The following PIEZO1 variants were observed in gnomAD, a reference collection of about 807,000 sequenced individuals.
The protein encoded by PIEZO1 is piezo-type mechanosensitive ion channel component 1.
A neutral mutation model predicts 297.2 loss-of-function variants in PIEZO1; 296 were observed. That is an observed-to-expected ratio of 1.00 (90% CI 0.91 to 1.10). The LOEUF (loss-of-function observed/expected upper bound fraction) is 1.10, where lower values mean the gene tolerates loss of function less well. Among genes scored for constraint, PIEZO1 ranks in the 50% least tolerant of loss-of-function variants. PIEZO1 has a pLI of 0.00. For missense variants in PIEZO1, 5,018 were observed against 3,455.5 expected (o/e 1.45, Z -11.34); for synonymous variants, 2,427 against 1,507.5 (o/e 1.61, Z -14.13).
In PIEZO1 at chr16:88,768,227, C is replaced by A. The variant is rs73251019; in HGVS notation, c.64+16674G>T. Among the ~76,000 whole-genome samples the A allele has an allele frequency of 5.4e-3, 815 of 152,328 alleles. 13 individuals carry two copies. The highest frequency in any genetic ancestry group is 0.019 in the African/African-American group (782 of 41,570). On this transcript the variant is annotated intron_variant, in intron 1 of 50. Coordinates refer to ENST00000301015, the MANE Select transcript of PIEZO1 (RefSeq NM_001142864.4). ...TGTGCGGCCTGGCACACTGCCTGGG[C>A]CTCGCAGCCCCTCCCCCCACATCCC...
At position 88,721,996 on chromosome 16, in the gene PIEZO1, G is replaced by A; in HGVS notation, c.5026C>T (p.Leu1676=). ...AEGQGRALRL[L]RAVYQCVAAH... is the part of the protein sequence containing the mutation. ...GCCACACACTGGTACACGGCCCGCAGCAGCCGCAGCGCCCGGCCCTGCCCC... is the reference window on the plus strand; with the variant it reads ...GCCACACACTGGTACACGGCCCGCAACAGCCGCAGCGCCCGGCCCTGCCCC... The change falls in exon 37 of 51, where the codon CTG becomes TTG. Residue 1676 remains leucine, a synonymous_variant. Coordinates refer to ENST00000301015, the MANE Select transcript of PIEZO1 (RefSeq NM_001142864.4). 1.3e-6 allele frequency: 2 copies of A among 1,549,390 alleles called. No homozygotes were observed. Among genetic ancestry groups the A allele is most frequent in the African/African-American group, 1.4e-5 (1 of 73,164 alleles).
At chr16:88,751,524 C>A (rs1906389026) in intron 1 of PIEZO1, among the ~76,000 whole-genome samples, 1 of 152,228 alleles carries the variant, frequency 6.6e-6, no homozygotes, top group African/African-American at 2.4e-5. Flanking sequence ...GGGGGCACCG[C>A]CCGCCCTGCT....
intron 1 of PIEZO1, among the ~76,000 whole-genome samples, chr16:88,758,693 C>A (rs1327059192): frequency 2.0e-5 from 3 of 152,230 alleles, no homozygotes; most frequent in African/African-American, 7.2e-5. Context: ...AGAATGACAC[C>A]ACTGGGCTCT....
Position 88,716,865 on chromosome 16 carries a change from T to C in PIEZO1, c.6694A>G (p.Ile2232Val), listed in dbSNP as rs1220406646. 3 of 1,549,922 alleles carry C rather than the reference T, an allele frequency of 1.9e-6. No homozygotes were observed. The highest frequency in any genetic ancestry group is 1.7e-6 in the Non-Finnish European group (2 of 1,146,942). ...TAGGCCTGGGCCGTGAAGGGGATGA[T>C]GGACGGCTGCTGGGCGCTCATGGTG... is the stretch of plus-strand genomic sequence containing the variant. ...LFTMSAQQPS[I>V]IPFTAQAYEE... The change falls in exon 46 of 51, where the codon ATC (isoleucine) becomes GTC (valine). Residue 2232 changes from isoleucine (I) to valine (V), a missense_variant. Ile to Val is a conservative substitution (Grantham distance 29). Coordinates refer to ENST00000301015, the MANE Select transcript of PIEZO1 (RefSeq NM_001142864.4).
intron 27 of PIEZO1, 100 bp downstream of exon 27, chr16:88,726,184 T>A (rs1904415282): frequency 6.0e-6 from 6 of 1,001,118 alleles, no homozygotes; most frequent in Non-Finnish European, 8.6e-6. Context: ...TGGCAGAGCC[T>A]GCCCTCCACG....
intron 1 of PIEZO1, among the ~76,000 whole-genome samples, chr16:88,749,739 A>G (rs1232173761): frequency 6.6e-6 from 1 of 152,134 alleles, no homozygotes; most frequent in Admixed American, 6.5e-5. Context: ...TAAAAATGCT[A>G]TTCTTGGGCT....
At chr16:88,765,232 G>A (rs915548191) in intron 1 of PIEZO1, among the ~76,000 whole-genome samples, 3 of 152,198 alleles carry the variant, frequency 2.0e-5, no homozygotes, top group African/African-American at 7.2e-5. Context: ...CACCTCCCTC[G>A]CAGGCAGGAG....
rs1402718455 is a variant in PIEZO1, at chr16:88,738,125, C to A, written c.849-20G>T. On this transcript the variant is annotated intron_variant, in intron 7 of 50. Transcript: ENST00000301015. ...AGCACCCTGTCCAGAGAAGACCCGT[C>A]ACAGCCTACCACCCCAGAGGCAGTG... 2.6e-6 allele frequency: 4 copies of A among 1,535,762 alleles called. No homozygotes were observed. Among genetic ancestry groups the A allele is most frequent in the East Asian group, 2.4e-5 (1 of 40,916 alleles).
At chr16:88,721,091 G>T in intron 39 of PIEZO1, 75 bp downstream of exon 39, 1 of 1,384,908 alleles carries the variant, frequency 7.2e-7, no homozygotes, top group Non-Finnish European at 9.5e-7. Flanking sequence ...CGTCTCATCT[G>T]AGAAAGACCC....
intron 31 of PIEZO1, among the ~76,000 whole-genome samples, 171 bp from the exon 32 acceptor site, chr16:88,723,499 A>G (rs547112911): frequency 6.6e-6 from 1 of 152,336 alleles, no homozygotes; most frequent in East Asian, 1.9e-4. Context: ...CTGTGGGGGA[A>G]GACTCCCACC....
At chr16:88,725,810 C>T (rs1597449255) in intron 27 of PIEZO1, 126 bp from the exon 28 acceptor site, 1 of 637,074 alleles carries the variant, frequency 1.6e-6, no homozygotes. Flanking sequence ...GGACAAGAGG[C>T]ACCCACGGGG....
At chr16:88,741,979 G>A (rs1300553874) in intron 4 of PIEZO1, 74 bp downstream of exon 4, 70 of 1,471,398 alleles carry the variant, frequency 4.8e-5, no homozygotes, top group Admixed American at 1.6e-4. Flanking sequence ...TGTCCCTCCT[G>A]GGTCCCCCCA....
intron 12 of PIEZO1, 74 bp downstream of exon 12, chr16:88,736,074 G>A (rs1185038234): frequency 8.6e-6 from 12 of 1,400,800 alleles, no homozygotes; most frequent in Middle Eastern, 2.5e-4. Flanking sequence ...CCGGGCAAGT[G>A]GACATTGAAC....
At chr16:88,776,443 AAAG>A (rs1182712494) in intron 1 of PIEZO1, among the ~76,000 whole-genome samples, 1 of 152,008 alleles carries the variant, frequency 6.6e-6, no homozygotes. Context: ...CAAAAAAAAA[AAAG>A]AAGGGATGAG....
rs1257030451 is a variant in PIEZO1, at chr16:88,722,563, C to T, written c.4775+20G>A. The T allele has an allele frequency of 9.4e-6, 14 of 1,487,056 alleles. No individual in the cohort carries two copies. The highest frequency in any genetic ancestry group is 1.7e-4 in the Middle Eastern group (1 of 5,800). 92.1% of individuals were successfully genotyped at this position (1,487,056 alleles called of 1,614,324 possible). ...CACACCAGGGGCAGCAGCTGGGGCT[C>T]GGGTCACCCCCGCACCTACCTGGAC... On this transcript the variant is annotated intron_variant, in intron 35 of 50. Coordinates refer to ENST00000301015, the MANE Select transcript of PIEZO1 (RefSeq NM_001142864.4).
chr16:88,762,341 C>T (rs1489257393), intron 1 of PIEZO1, among the ~76,000 whole-genome samples: 1 of 152,222 alleles, frequency 6.6e-6, no homozygotes. Flanking sequence ...CTTCACACAC[C>T]ATGGCCTCCC....
In PIEZO1 at chr16:88,719,601, G is replaced by A. The variant is rs1241117427; in HGVS notation, c.6444C>T (p.Ile2148=). The A allele has an allele frequency of 6.4e-7, 1 of 1,551,494 alleles. No homozygotes were observed. Among genetic ancestry groups the A allele is most frequent in the Non-Finnish European group, 8.7e-7 (1 of 1,147,416 alleles). The change falls in exon 44 of 51, where the codon ATC becomes ATT. Residue 2148 remains isoleucine (I), a synonymous_variant. Coordinates refer to ENST00000301015, the MANE Select transcript of PIEZO1 (RefSeq NM_001142864.4). ...TCTCTGTCTCTCGGCTGCATTTGAT[G>A]ATGAAGATGTTGGCATAGATGTCCT... ...CVEDIYANIF[I]IKCSRETEKK...
chr16:88,732,573 G>A (rs567667961), intron 20 of PIEZO1, 34 bp downstream of exon 20: 47 of 1,543,022 alleles, frequency 3.0e-5, no homozygotes, highest in East Asian at 1.2e-4. Flanking sequence ...CCGGGTACTC[G>A]CCCGCCCAGC....
intron 22 of PIEZO1, among the ~76,000 whole-genome samples, chr16:88,729,912 A>C (rs549474086): frequency 6.0e-5 from 9 of 151,068 alleles, no homozygotes; most frequent in East Asian, 2.0e-4. Flanking sequence ...ACCTCACGAT[A>C]CAAAAACAAA....
Sources: gnomAD v4.1 joint callset for allele counts (sites outside exome capture counted in the v4.1 genomes callset) on GRCh38, gnomAD v4.1.1 for gene constraint, MANE v1.5 for transcripts, NCBI Gene and HGNC (gene_info 2026-07-23, HGNC 2026-07-21) for gene names.